Variants in QPCT observed in about 807,000 individuals in gnomAD.
QPCT encodes EC.
A neutral mutation model predicts 43.4 loss-of-function variants in QPCT; 44 were observed. That is an observed-to-expected ratio of 1.01 (90% confidence interval 0.80 to 1.30). QPCT has a LOEUF of 1.30. Among genes scored for constraint, QPCT ranks in the 50% most tolerant of loss-of-function variants. The probability of loss-of-function intolerance (pLI) is 0.00; values close to 1 mark genes in which losing one functional copy is unlikely to be tolerated. For synonymous variants in QPCT, 168 were observed against 168.4 expected (o/e 1.00, Z 0.02); for missense variants, 526 against 436.5 (o/e 1.21, Z -1.83).
Position 37,344,898 on chromosome 2 carries a change from A to T in QPCT, c.120+47A>T, listed in dbSNP as rs376260139. On this transcript the variant is annotated intron_variant, in intron 1 of 6. Transcript: ENST00000338415. ...GTTGTACTTGAGCGGCTCTGGTCCGATGCGAGGACCCCTGGCCGGGTCAGC... is the reference window on the plus strand; with the variant it reads ...GTTGTACTTGAGCGGCTCTGGTCCGTTGCGAGGACCCCTGGCCGGGTCAGC... 3.1e-5 allele frequency: 47 copies of T among 1,501,948 alleles called. No homozygotes were observed. In the African/African-American group the frequency reaches 6.2e-4, roughly 20 times the overall value. 93.0% of individuals were successfully genotyped at this position (1,501,948 alleles called of 1,614,324 possible). A position where few individuals can be genotyped will look rare whatever the true frequency, so the allele number is the denominator to read the frequency against.
chr2:37,357,232 AT>A (rs1672769773), intron 2 of QPCT, among the ~76,000 whole-genome samples: 1 of 151,306 alleles, frequency 6.6e-6, no homozygotes. Flanking sequence ...TGAAGAAGCC[AT>A]TTTATGGAGC....
chr2:37,368,056 T>C (rs934067276), intron 4 of QPCT, among the ~76,000 whole-genome samples: 1 of 152,038 alleles, frequency 6.6e-6, no homozygotes, highest in Non-Finnish European at 1.5e-5. Context: ...CCTTTATAAG[T>C]CTGAAGAACA....
At chr2:37,353,166 C>A (rs549801891) in intron 2 of QPCT, among the ~76,000 whole-genome samples, 1 of 152,204 alleles carries the variant, frequency 6.6e-6, no homozygotes, top group Non-Finnish European at 1.5e-5. Flanking sequence ...TGGGGTACAA[C>A]ATTACACAGT....
chr2:37,351,624 G>A lies in QPCT; in HGVS notation c.121-1165G>A, dbSNP rs886625634. ...GGGCTGGGTGCGGTGGCTCATGCCT[G>A]TAATCCCAGCACTTTGGGAGGCCGA... is the stretch of plus-strand genomic sequence containing the variant. On this transcript the variant is annotated intron_variant, in intron 1 of 6. Coordinates refer to ENST00000338415, the MANE Select transcript of QPCT (RefSeq NM_012413.4). Among the ~76,000 whole-genome samples the A allele has an allele frequency of 3.9e-5, 6 of 152,178 alleles. No homozygotes were observed. The South Asian group carries it at 8.3e-4, about 21-fold the overall frequency.
intron 6 of QPCT, 78 bp downstream of exon 6, chr2:37,372,550 A>G (rs1006188566): frequency 6.8e-6 from 10 of 1,468,020 alleles, no homozygotes; most frequent in East Asian, 2.3e-5. Flanking sequence ...GGGATATGAG[A>G]AAGTACACAG....
In QPCT at chr2:37,372,489, T is replaced by C. The variant is rs1673099850; in HGVS notation, c.940+17T>C. ...TAAGAAGAGGTAATGTGTGTGTGTG[T>C]GTGTGTTTGTGTGTGTGTGCGTGCA... On this transcript the variant is annotated intron_variant, in intron 6 of 6. Coordinates refer to ENST00000338415, the MANE Select transcript of QPCT (RefSeq NM_012413.4). The C allele has an allele frequency of 6.3e-7, 1 of 1,576,462 alleles. No homozygotes were observed. Among genetic ancestry groups the C allele is most frequent in the Non-Finnish European group, 8.7e-7 (1 of 1,145,964 alleles).
At chr2:37,350,322 C>T (rs1023158484) in intron 1 of QPCT, among the ~76,000 whole-genome samples, 1 of 152,166 alleles carries the variant, frequency 6.6e-6, no homozygotes, top group Non-Finnish European at 1.5e-5. Context: ...GTCTTCTGAC[C>T]TCTTGCCTCC....
chr2:37,369,851 CA>C, intron 5 of QPCT, 67 bp downstream of exon 5: 1 of 1,414,020 alleles, frequency 7.1e-7, no homozygotes, highest in Non-Finnish European at 1.0e-6. Flanking sequence ...ACATTTTTAA[CA>C]TTTAAAATTT....
At chr2:37,344,967 A>C in intron 1 of QPCT, 116 bp downstream of exon 1, 2 of 1,403,418 alleles carry the variant, frequency 1.4e-6, no homozygotes, top group Non-Finnish European at 9.3e-7. Flanking sequence ...CACGGTCCCC[A>C]GCCCAGGCAC....
Position 37,347,231 on chromosome 2 carries a change from C to CATATATATAT in QPCT, c.120+2386_120+2395dup, listed in dbSNP as rs74216920. On this transcript the variant is annotated intron_variant, in intron 1 of 6. Coordinates refer to ENST00000338415, the MANE Select transcript of QPCT (RefSeq NM_012413.4). Reference sequence around the variant, plus strand: ...ACATATATATAACATATATATATAACATATATATATATATAACATATATAT... The same window carrying CATATATATAT: ...ACATATATATAACATATATATATAACATATATATATATATATATATATATAACATATATAT... Among the ~76,000 whole-genome samples the CATATATATAT allele has an allele frequency of 1.2e-3, 68 of 55,588 alleles. 2 individuals are homozygous for CATATATATAT. Among genetic ancestry groups the CATATATATAT allele is most frequent in the East Asian group, 9.1e-3 (10 of 1,098 alleles). 36.5% of individuals were successfully genotyped at this position (55,588 alleles called of 152,430 possible).
chr2:37,363,360 T>C (rs1672891971), intron 3 of QPCT, among the ~76,000 whole-genome samples: 2 of 151,556 alleles, frequency 1.3e-5, no homozygotes, highest in African/African-American at 4.9e-5. Flanking sequence ...CAGTGGCTCA[T>C]GTCTGTAATC....
intron 1 of QPCT, among the ~76,000 whole-genome samples, chr2:37,346,135 G>A (rs531872164): frequency 1.3e-5 from 2 of 151,416 alleles, no homozygotes; most frequent in Non-Finnish European, 2.9e-5. Context: ...CCAGCTACAT[G>A]CATATATATA....
chr2:37,359,545 T>C (rs776038446), intron 2 of QPCT, 35 bp from the exon 3 acceptor site: 1 of 1,570,744 alleles, frequency 6.4e-7, no homozygotes, highest in Non-Finnish European at 8.6e-7. Flanking sequence ...GCCATTTCTT[T>C]AGATCTAAAT....
intron 3 of QPCT, among the ~76,000 whole-genome samples, chr2:37,363,631 TTAAA>T (rs200758642): frequency 0.022 from 3,159 of 145,676 alleles, 56 homozygotes; most frequent in Middle Eastern, 0.042. Context: ...ACCCTGTCTC[TTAAA>T]TAAATAAATA....
rs779905374 is a variant in QPCT, at chr2:37,359,580, C to T, written c.268C>T (p.His90Tyr). 1.1e-5 allele frequency: 17 copies of T among 1,612,502 alleles called. No individual in the cohort carries two copies. The highest frequency in any genetic ancestry group is 1.4e-5 in the Non-Finnish European group (17 of 1,178,996). Residue 90 changes from histidine (H) to tyrosine (Y), a missense_variant and splice_region_variant, in exon 3 of 7, where the codon CAC (histidine) becomes TAC (tyrosine). Coordinates refer to ENST00000338415, the MANE Select transcript of QPCT (RefSeq NM_012413.4). ...TTTTTTGTTTTTTTGTTTTGATCAG[C>T]ACATCATGCAGCGAATTCAGAGGCT... Reference protein sequence around the residue: ...GSPGSYAARQHIMQRIQRLQA... With the variant: ...GSPGSYAARQYIMQRIQRLQA...
At position 37,353,049 on chromosome 2, in the gene QPCT, A is replaced by C. The variant is rs1282086636; in HGVS notation, c.267+114A>C. 1.2e-5 allele frequency: 15 copies of C among 1,239,828 alleles called. No homozygotes were observed. In the East Asian group the frequency reaches 3.5e-4, roughly 29 times the overall value. 76.8% of individuals were successfully genotyped at this position (1,239,828 alleles called of 1,614,324 possible). ...TAATATTCAGATCTGTCATCTCCTC[A>C]TTCACCAAATAGTCAACCAAGAAAA... On this transcript the variant is annotated intron_variant, in intron 2 of 6. Transcript: ENST00000338415.
intron 2 of QPCT, chr2:37,359,035 GTTTACTTAATTTT>G (rs1260625227): frequency 6.5e-6 from 1 of 153,840 alleles, no homozygotes; most frequent in Non-Finnish European, 1.4e-5. Flanking sequence ...TAGGTTGCTG[GTTTACTTAATTTT>G]TTAAATATGC....
chr2:37,363,433 G>T (rs1672892948), intron 3 of QPCT, among the ~76,000 whole-genome samples: 1 of 142,272 alleles, frequency 7.0e-6, no homozygotes, highest in African/African-American at 2.8e-5. Context: ...GACCAGCCTG[G>T]GCAACATAGT....
At chr2:37,350,264 A>G (rs1478867238) in intron 1 of QPCT, among the ~76,000 whole-genome samples, 1 of 152,130 alleles carries the variant, frequency 6.6e-6, no homozygotes, top group Admixed American at 6.5e-5. Flanking sequence ...GAGGGGGGAG[A>G]CCAGACAGGC....
Sources: allele counts gnomAD v4.1 joint callset (sites outside exome capture counted in the v4.1 genomes callset), GRCh38; gene constraint gnomAD v4.1.1; transcripts MANE v1.5; gene names NCBI Gene and HGNC (gene_info 2026-07-23, HGNC 2026-07-21).